STAU1: variants seen among roughly 807,000 people sequenced by gnomAD.
STAU1 encodes double-stranded RNA-binding protein Staufen homolog 1.
Under a neutral mutation model 62.9 loss-of-function variants are expected in STAU1, and 13 were observed. The ratio of observed to expected loss-of-function variants is 0.21; its 90% confidence interval spans 0.13 to 0.33. The LOEUF (loss-of-function observed/expected upper bound fraction) is 0.33, where lower values mean the gene tolerates loss of function less well. Among genes scored for constraint, STAU1 ranks in the 10% least tolerant of loss-of-function variants. The pLI, the probability that STAU1 is intolerant of heterozygous loss-of-function variation, is 1.00. For synonymous variants in STAU1, 269 were observed against 265.1 expected (o/e 1.01, Z -0.14); for missense variants, 571 against 712.1 (o/e 0.80, Z 2.25).
intron 5 of STAU1, 94 bp downstream of exon 5, chr20:49,151,488 A>G (rs948313275): frequency 3.9e-6 from 5 of 1,286,918 alleles, no homozygotes; most frequent in African/African-American, 3.1e-5. Context: ...ACAGCTGTCA[A>G]TGTGCCTTCT....
intron 6 of STAU1, 57 bp from the exon 7 acceptor site, chr20:49,124,644 G>C (rs1156997011): frequency 1.3e-6 from 2 of 1,577,902 alleles, no homozygotes; most frequent in African/African-American, 2.7e-5. Flanking sequence ...AAAGCTCCAA[G>C]GCACACTGGC....
At chr20:49,145,158 G>A (rs1195495846) in intron 5 of STAU1, among the ~76,000 whole-genome samples, 1 of 152,204 alleles carries the variant, frequency 6.6e-6, no homozygotes. Flanking sequence ...GGGCGTGGTG[G>A]CTCACGCCTG....
chr20:49,123,333 GT>G, intron 7 of STAU1, 98 bp from the exon 8 acceptor site: 2 of 1,530,646 alleles, frequency 1.3e-6, no homozygotes, highest in Non-Finnish European at 1.8e-6. Flanking sequence ...GAGATTTTGG[GT>G]TGACCTAATG....
At chr20:49,184,194 G>A (rs2093759774) in intron 1 of STAU1, among the ~76,000 whole-genome samples, 2 of 152,014 alleles carry the variant, frequency 1.3e-5, no homozygotes, top group South Asian at 4.1e-4. Context: ...GCCTCCAAAA[G>A]TGCTGGGATT....
At position 49,149,181 on chromosome 20, in the gene STAU1, G is replaced by A. The variant is rs150195582; in HGVS notation, c.510+2401C>T. Among the ~76,000 whole-genome samples, 46 of 151,938 alleles carry A rather than the reference G, an allele frequency of 3.0e-4. 1 individual carries two copies. The East Asian group carries it at 8.9e-3, about 29-fold the overall frequency. On this transcript the variant is annotated intron_variant, in intron 5 of 13. Coordinates refer to ENST00000371856, the MANE Select transcript of STAU1 (RefSeq NM_017453.4). Reference sequence around the variant, plus strand: ...CACAAGAATTGCTTGAACCCAGGAGGTGGAGGTTGCAGTGAACCAAGATCA... The same window carrying A: ...CACAAGAATTGCTTGAACCCAGGAGATGGAGGTTGCAGTGAACCAAGATCA...
rs959752799 is a variant in STAU1 at position 49,170,350 on chromosome 20, T to C, written c.-85+3845A>G. On this transcript the variant is annotated intron_variant, in intron 2 of 13. Transcript: ENST00000371856. The stretch of plus-strand genomic sequence containing the variant: ...GTACTATGAAATACTTAAGCAATTA[T>C]GGAAAAACATTTTTTTTCTGGAGAC... Among the ~76,000 whole-genome samples, 8 of 152,346 alleles carry C rather than the reference T, an allele frequency of 5.3e-5. No homozygotes were observed. The South Asian group carries it at 1.4e-3, about 28-fold the overall frequency.
At chr20:49,179,559 C>T (rs1046036052) in intron 1 of STAU1, among the ~76,000 whole-genome samples, 1 of 152,178 alleles carries the variant, frequency 6.6e-6, no homozygotes, top group African/African-American at 2.4e-5. Context: ...CATAATGAGA[C>T]TTATTATTAC....
intron 5 of STAU1, among the ~76,000 whole-genome samples, chr20:49,147,724 A>T (rs1261562903): frequency 6.6e-6 from 1 of 152,250 alleles, no homozygotes; most frequent in Non-Finnish European, 1.5e-5. Context: ...TTGGAAAATA[A>T]AGCAGTGCAT....
At chr20:49,187,920 T>G (rs931042151) in intron 1 of STAU1, among the ~76,000 whole-genome samples, 196 bp downstream of exon 1, 4 of 151,392 alleles carry the variant, frequency 2.6e-5, no homozygotes, top group African/African-American at 9.7e-5. Context: ...GGGCCAGGCC[T>G]CAGGGCGCCC....
At chr20:49,135,022 G>C in intron 6 of STAU1, 1 of 1,588,968 alleles carries the variant, frequency 6.3e-7, no homozygotes, top group Non-Finnish European at 8.6e-7. Flanking sequence ...AGCGAAGGGA[G>C]CCCGGGCAGC....
chr20:49,143,861 A>G (rs879094396), intron 5 of STAU1, among the ~76,000 whole-genome samples: 4 of 152,188 alleles, frequency 2.6e-5, no homozygotes, highest in Admixed American at 2.0e-4. Context: ...TACCTGAAAA[A>G]AAGCAAGGTC....
chr20:49,206,393 C>T, the STAU1 span, among the ~76,000 whole-genome samples: 3 of 149,088 alleles, frequency 2.0e-5, no homozygotes, highest in Non-Finnish European at 4.4e-5. Context: ...CTCAACTCTT[C>T]CTCTTGGCAT....
intron 6 of STAU1, among the ~76,000 whole-genome samples, chr20:49,131,333 A>G (rs1295552577): frequency 1.3e-5 from 2 of 152,210 alleles, no homozygotes; most frequent in African/African-American, 4.8e-5. Flanking sequence ...CATTGAGACA[A>G]CTGGTGAAAT....
chr20:49,113,863 C>T lies in STAU1; in HGVS notation c.*1015G>A, dbSNP rs1406589924. ...GTAGTGAAAGCTAAGTCCTCAAGAGCCATATGTATAGATACACAATGTTTT... is the reference window on the plus strand; with the variant it reads ...GTAGTGAAAGCTAAGTCCTCAAGAGTCATATGTATAGATACACAATGTTTT... On this transcript the variant is annotated 3_prime_UTR_variant, in exon 14 of 14. Coordinates refer to ENST00000371856, the MANE Select transcript of STAU1 (RefSeq NM_017453.4). 6.6e-6 allele frequency: 1 copy of T among 152,536 alleles called. No homozygotes were observed. The highest frequency in any genetic ancestry group is 2.4e-5 in the African/African-American group (1 of 41,390). The allele number at this position is 152,536 out of a possible 1,614,324, so 9.4% of individuals were successfully genotyped here.
the STAU1 span, among the ~76,000 whole-genome samples, chr20:49,215,799 G>A: frequency 6.6e-6 from 1 of 151,932 alleles, no homozygotes; most frequent in African/African-American, 2.4e-5. Flanking sequence ...TTGAGGCCAG[G>A]AGTTTGAGAC....
At chr20:49,143,393 AC>A (rs1323988858) in intron 5 of STAU1, among the ~76,000 whole-genome samples, 1 of 152,112 alleles carries the variant, frequency 6.6e-6, no homozygotes, top group Non-Finnish European at 1.5e-5. Context: ...GGAGTTCAAA[AC>A]CAGCCTGGGC....
the STAU1 span, among the ~76,000 whole-genome samples, chr20:49,216,941 C>T: frequency 2.0e-5 from 3 of 152,132 alleles, no homozygotes; most frequent in Non-Finnish European, 4.4e-5. Context: ...TGAAGGCAGC[C>T]AGGATTTGGC....
At chr20:49,135,395 G>A (rs1317481210) in intron 6 of STAU1, among the ~76,000 whole-genome samples, 2 of 152,186 alleles carry the variant, frequency 1.3e-5, no homozygotes, top group African/African-American at 4.8e-5. Context: ...AACAAATGAA[G>A]TTATTAAACA....
At chr20:49,212,195 C>T in the STAU1 span, among the ~76,000 whole-genome samples, 3 of 152,110 alleles carry the variant, frequency 2.0e-5, no homozygotes, top group Admixed American at 6.6e-5. Context: ...TGCCATGTTG[C>T]CCAGGCTGGT....
Sources: allele counts gnomAD v4.1 joint callset (sites outside exome capture counted in the v4.1 genomes callset), GRCh38; gene constraint gnomAD v4.1.1; transcripts MANE v1.5; gene names NCBI Gene and HGNC (gene_info 2026-07-23, HGNC 2026-07-21).